The following UBR1 variants were observed in gnomAD, a reference collection of about 807,000 sequenced individuals.
The protein encoded by UBR1 is ubiquitin protein ligase E3 component n-recognin 1.
UBR1 carries 102 observed loss-of-function variants against 242.1 expected under a neutral mutation model. That is an observed-to-expected ratio of 0.42 (90% CI 0.36 to 0.50). The LOEUF (loss-of-function observed/expected upper bound fraction) is 0.50. UBR1 is among the 20% of genes least tolerant of loss of function. The pLI is 0.01. For synonymous variants in UBR1, 675 were observed against 684.8 expected (o/e 0.99, Z 0.22); for missense variants, 1,772 against 2,101.8 (o/e 0.84, Z 3.07).
chr15:43,060,149 A>G (rs1156575110), intron 6 of UBR1, 35 bp from the exon 7 acceptor site: 1 of 1,590,402 alleles, frequency 6.3e-7, no homozygotes, highest in Non-Finnish European at 8.6e-7. Flanking sequence ...TAGGTAGTGA[A>G]ATGATAACCA....
Position 42,960,685 on chromosome 15 carries a change from CA to C in UBR1, c.4716del (p.Ala1573ProfsTer3). 1.2e-6 allele frequency: 2 copies of C among 1,613,974 alleles called. No individual in the cohort carries two copies. Among genetic ancestry groups the C allele is most frequent in the South Asian group, 2.2e-5 (2 of 91,074 alleles). ...TTTTGCTTCAAACAGTTTAGTAAGG[CA>C]GGATCTGCACACCACCTGTATGTGG... is the stretch of plus-strand genomic sequence containing the variant. ...RPLLQRWCAD[P>X]ALLNCLKQKN... On this transcript the variant is annotated frameshift_variant, in exon 43 of 47. Coordinates refer to ENST00000290650, the MANE Select transcript of UBR1 (RefSeq NM_174916.3). LOFTEE classifies it high-confidence loss of function.
intron 40 of UBR1, among the ~76,000 whole-genome samples, chr15:42,967,526 G>A (rs1235479508): frequency 2.6e-5 from 4 of 151,210 alleles, no homozygotes; most frequent in East Asian, 3.9e-4. Flanking sequence ...TAATTTCCTG[G>A]TTTCTATATT....
chr15:43,076,468 T>C (rs923644898), intron 3 of UBR1, among the ~76,000 whole-genome samples: 15 of 150,252 alleles, frequency 1.0e-4, no homozygotes, highest in African/African-American at 3.7e-4. Context: ...GGAGCGCCTC[T>C]TCCCCGCCGC....
chr15:43,015,778 A>G lies in UBR1; in HGVS notation c.3119T>C (p.Leu1040Ser). 1 of 1,614,168 alleles carries G rather than the reference A, an allele frequency of 6.2e-7. No individual in the cohort carries two copies. Among genetic ancestry groups the G allele is most frequent in the Non-Finnish European group, 8.5e-7 (1 of 1,180,024 alleles). Reference protein sequence around the residue: ...RQKIMAQMSALQKNFIETHKL... With the variant: ...RQKIMAQMSASQKNFIETHKL... ...ATGAGTTTCAATGAAGTTTTTCTGTAAGGCAGACATCTGAGCCATGATCTT... is the reference window on the plus strand; with the variant it reads ...ATGAGTTTCAATGAAGTTTTTCTGTGAGGCAGACATCTGAGCCATGATCTT... The change falls in exon 29 of 47, where the codon TTA (leucine) becomes TCA (serine). Residue 1040 changes from leucine (L) to serine (S), a missense_variant. Leu to Ser is a moderately radical substitution (Grantham distance 145, BLOSUM62 -2). Around this residue, in one of 3 missense-constraint regions of UBR1, gnomAD observed 965 missense variants for 1,079.7 expected, o/e 0.89. Coordinates refer to ENST00000290650, the MANE Select transcript of UBR1 (RefSeq NM_174916.3).
At chr15:43,004,465 C>A (rs2032773775) in intron 30 of UBR1, among the ~76,000 whole-genome samples, 1 of 152,202 alleles carries the variant, frequency 6.6e-6, no homozygotes. Flanking sequence ...TCTCGGCTCA[C>A]TGCAACCTCC....
chr15:43,021,516 A>G (rs1021275164), intron 26 of UBR1, 141 bp from the exon 27 acceptor site: 2 of 714,286 alleles, frequency 2.8e-6, no homozygotes, highest in Non-Finnish European at 4.9e-6. Flanking sequence ...TAGTATTTGC[A>G]TAAAATCTAT....
rs1335942455 is a variant in UBR1, at chr15:43,059,703, T to G, written c.984A>C (p.Ser328=). The change falls in exon 8 of 47, where the codon TCA becomes TCC. Residue 328 remains serine (S), a splice_region_variant and synonymous_variant. Coordinates refer to ENST00000290650, the MANE Select transcript of UBR1 (RefSeq NM_174916.3). ...GSWMNKIMSY[S]SDFRQIFCQA... ...AAGAAAAACAGGAGGTATGCTTACT[T>G]GAATAGCTCATAATTTTGTTCATCC... The G allele has an allele frequency of 6.2e-7, 1 of 1,613,882 alleles. No individual in the cohort carries two copies. Among genetic ancestry groups the G allele is most frequent in the Non-Finnish European group, 8.5e-7 (1 of 1,179,984 alleles).
chr15:42,952,130 C>T (rs953804097), intron 45 of UBR1, 148 bp downstream of exon 45: 2 of 1,004,990 alleles, frequency 2.0e-6, no homozygotes, highest in African/African-American at 3.2e-5. Context: ...AGTATCTTCT[C>T]AAATGCAATT....
At chr15:42,974,737 C>T (rs1000578183) in intron 39 of UBR1, among the ~76,000 whole-genome samples, 4 of 152,040 alleles carry the variant, frequency 2.6e-5, no homozygotes, top group Non-Finnish European at 2.9e-5. Context: ...GCCTCCCAAA[C>T]GGCTGGGACT....
rs542133439 is a variant in UBR1 at position 43,072,408 on chromosome 15, G to A, written c.529-1483C>T. Among the ~76,000 whole-genome samples the A allele has an allele frequency of 1.7e-3, 266 of 152,332 alleles. 1 individual carries two copies. Among genetic ancestry groups the A allele is most frequent in the Non-Finnish European group, 2.9e-3 (194 of 68,042 alleles). On this transcript the variant is annotated intron_variant, in intron 4 of 46. Coordinates refer to ENST00000290650, the MANE Select transcript of UBR1 (RefSeq NM_174916.3). Reference sequence around the variant, plus strand: ...TTGTGTGTATTTTATGGCCGAAGATGTGTATATTTTATGGTTGTAACTGAT... The same window carrying A: ...TTGTGTGTATTTTATGGCCGAAGATATGTATATTTTATGGTTGTAACTGAT...
chr15:43,098,976 C>T (rs541587291), intron 1 of UBR1, among the ~76,000 whole-genome samples: 1 of 152,244 alleles, frequency 6.6e-6, no homozygotes, highest in East Asian at 1.9e-4. Context: ...GGAAAATCAT[C>T]TCCAATTAAA....
At chr15:42,945,913 A>C (rs1235075463) in intron 46 of UBR1, among the ~76,000 whole-genome samples, 1 of 152,228 alleles carries the variant, frequency 6.6e-6, no homozygotes, top group African/African-American at 2.4e-5. Flanking sequence ...ATTTGGTTGT[A>C]ACTGTCCTTA....
At position 43,043,673 on chromosome 15, in the gene UBR1, C is replaced by T. The variant is rs185051192; in HGVS notation, c.1669-278G>A. On this transcript the variant is annotated intron_variant, in intron 14 of 46. Transcript: ENST00000290650. The stretch of plus-strand genomic sequence containing the variant: ...TGTTGGCCAAGCTGGTTTTGAACTC[C>T]GGGGCTCAAGTGGTTCACCCACCTT... 4.2e-3 allele frequency among the ~76,000 whole-genome samples: 635 copies of T among 152,186 alleles called. 10 individuals are homozygous for T. Among genetic ancestry groups the T allele is most frequent in the African/African-American group, 0.015 (606 of 41,510 alleles).
At chr15:43,002,496 C>G in intron 32 of UBR1, 59 bp downstream of exon 32, 1 of 1,564,650 alleles carries the variant, frequency 6.4e-7, no homozygotes, top group Non-Finnish European at 8.7e-7. Context: ...GCTGGGATCA[C>G]AGGCCACTGC....
intron 22 of UBR1, among the ~76,000 whole-genome samples, 187 bp downstream of exon 22, chr15:43,027,589 C>T (rs188091806): frequency 1.7e-4 from 26 of 152,172 alleles, no homozygotes; most frequent in Non-Finnish European, 4.4e-5. Flanking sequence ...GCCAAAAACA[C>T]TCATTTTTTC....
chr15:42,993,449 C>T (rs992410842), intron 33 of UBR1, among the ~76,000 whole-genome samples: 1 of 151,824 alleles, frequency 6.6e-6, no homozygotes, highest in Non-Finnish European at 1.5e-5. Context: ...CTGCAACCTC[C>T]ACCTCCCCGG....
rs578033888 is a variant in UBR1 at position 43,052,040 on chromosome 15, A to C, written c.1439+2702T>G. Among the ~76,000 whole-genome samples the C allele has an allele frequency of 1.1e-3, 172 of 152,344 alleles. 1 individual carries two copies. The highest frequency in any genetic ancestry group is 2.0e-3 in the Admixed American group (31 of 15,302). On this transcript the variant is annotated intron_variant, in intron 12 of 46. Transcript: ENST00000290650. Reference sequence around the variant, plus strand: ...CAAAGTACCCCATGAGATACCTCCCAAAAAGCAAGTGACAAAACTAAATAG... The same window carrying C: ...CAAAGTACCCCATGAGATACCTCCCCAAAAGCAAGTGACAAAACTAAATAG...
rs200788758 is a variant in UBR1, at chr15:42,961,114, T to C, written c.4701-413A>G. Among the ~76,000 whole-genome samples, 448 of 143,428 alleles carry C rather than the reference T, an allele frequency of 3.1e-3. 6 individuals are homozygous for C. The highest frequency in any genetic ancestry group is 7.5e-3 in the Middle Eastern group (2 of 266). The allele number at this position is 143,428 out of a possible 152,430, so 94.1% of individuals were successfully genotyped here. A position where few individuals can be genotyped will look rare whatever the true frequency, so the allele number is the denominator to read the frequency against. ...TTCTTTCTATTTCTATGTTCCCCCT[T>C]TTTTTTTTTTTTTTGTTTTGAGACA... On this transcript the variant is annotated intron_variant, in intron 42 of 46. Transcript: ENST00000290650.
At chr15:43,034,634 C>A (rs2033306559) in intron 19 of UBR1, among the ~76,000 whole-genome samples, 1 of 151,932 alleles carries the variant, frequency 6.6e-6, no homozygotes, top group African/African-American at 2.4e-5. Flanking sequence ...CGGTGGCTCA[C>A]CAGAACTTTG....
Sources: allele counts gnomAD v4.1 joint callset (sites outside exome capture counted in the v4.1 genomes callset), GRCh38; gene constraint gnomAD v4.1.1; regional missense constraint gnomAD v4.1.1; transcripts MANE v1.5; gene names NCBI Gene and HGNC (gene_info 2026-07-23, HGNC 2026-07-21).